DSCAML1: variants seen among roughly 807,000 people sequenced by gnomAD.
DSCAML1 encodes the protein DS cell adhesion molecule like 1.
Under a neutral mutation model 200.5 loss-of-function variants are expected in DSCAML1, and 38 were observed. That is an observed-to-expected ratio of 0.19 (90% confidence interval 0.15 to 0.25). DSCAML1 has a LOEUF of 0.25. Ranked by LOEUF, DSCAML1 falls within the 10% of genes least tolerant of loss-of-function variation. The pLI, the probability that DSCAML1 is intolerant of heterozygous loss-of-function variation, is 1.00. For missense variants in DSCAML1, 2,223 were observed against 2,858.8 expected, an observed-to-expected ratio of 0.78 and a Z score of 5.07; for synonymous variants, 1,215 against 1,165.0, an observed-to-expected ratio of 1.04 and a Z score of -0.87.
chr11:117,561,354 CTT>C (rs1338697575), intron 3 of DSCAML1, among the ~76,000 whole-genome samples: 3 of 152,354 alleles, frequency 2.0e-5, no homozygotes, highest in Admixed American at 6.5e-5. Context: ...GTTTTGGCCT[CTT>C]TGTCCAAAAT....
rs75649894 is a variant in DSCAML1 at position 117,458,702 on chromosome 11, G to A, written c.3568+52C>T. 7.5e-4 allele frequency: 1,190 copies of A among 1,595,996 alleles called. 4 individuals are homozygous for A. The African/African-American group carries it at 0.012, about 16-fold the overall frequency. On this transcript the variant is annotated intron_variant, in intron 19 of 32. Transcript: ENST00000651296. Reference sequence around the variant, plus strand: ...CCTGCCTCCTGGGGTGGGGCTGGGGGTTAGCAGTGGGTGGCAGGGCCAGCC... The same window carrying A: ...CCTGCCTCCTGGGGTGGGGCTGGGGATTAGCAGTGGGTGGCAGGGCCAGCC...
Position 117,788,547 on chromosome 11 carries a change from G to A in DSCAML1, c.47-7737C>T, listed in dbSNP as rs112336605. On this transcript the variant is annotated intron_variant, in intron 1 of 32. Coordinates refer to ENST00000651296, the MANE Select transcript of DSCAML1 (RefSeq NM_020693.4). The stretch of plus-strand genomic sequence containing the variant: ...TCGCCATGTTGGCCAAGCTGGTCTC[G>A]AACTCCTGACCTCAAGTGATCCGCC... Among the ~76,000 whole-genome samples, 29 of 152,200 alleles carry A rather than the reference G, an allele frequency of 1.9e-4. 1 individual carries two copies. The South Asian group carries it at 4.8e-3, about 25-fold the overall frequency.
At chr11:117,587,253 A>AACC (rs1555187498) in intron 3 of DSCAML1, among the ~76,000 whole-genome samples, 1 of 137,792 alleles carries the variant, frequency 7.3e-6, no homozygotes, top group Non-Finnish European at 1.5e-5. Context: ...ATTCTTTCCA[A>AACC]CCCCCCCCCA....
intron 3 of DSCAML1, among the ~76,000 whole-genome samples, chr11:117,598,517 G>A (rs999477616): frequency 2.0e-5 from 3 of 152,156 alleles, no homozygotes; most frequent in East Asian, 1.9e-4. Context: ...ATGCAGCCAC[G>A]GAAGCTGGGT....
intron 3 of DSCAML1, among the ~76,000 whole-genome samples, chr11:117,736,843 G>A (rs1331109535): frequency 1.3e-5 from 2 of 152,226 alleles, no homozygotes; most frequent in South Asian, 4.1e-4. Context: ...GTGAATTGTA[G>A]GTCCCTCCGT....
rs75612673 is a variant in DSCAML1 at position 117,463,086 on chromosome 11, C to T, written c.3266-1490G>A. On this transcript the variant is annotated intron_variant, in intron 17 of 32. Coordinates refer to ENST00000651296, the MANE Select transcript of DSCAML1 (RefSeq NM_020693.4). This position sits in a 1 kb window ranked among gnomAD's most constrained non-coding sequence, Gnocchi z 4.0. ...CGGCTCAGCACGACTGTTCCCTGGA[C>T]ACACCTTCCTAAAGCCTCCTGCATC... Among the ~76,000 whole-genome samples the T allele has an allele frequency of 2.4e-3, 369 of 152,340 alleles. 1 individual carries two copies. The highest frequency in any genetic ancestry group is 0.01 in the Middle Eastern group (3 of 294).
intron 31 of DSCAML1, 32 bp from the exon 32 acceptor site, chr11:117,431,065 G>A (rs755668843): frequency 7.6e-6 from 12 of 1,578,294 alleles, no homozygotes; most frequent in Admixed American, 1.7e-5. Context: ...GGTGGGTTAC[G>A]GGGAGGAGGG....
intron 3 of DSCAML1, among the ~76,000 whole-genome samples, chr11:117,762,575 T>C (rs1338376672): frequency 6.6e-6 from 1 of 152,072 alleles, no homozygotes; most frequent in Non-Finnish European, 1.5e-5. Flanking sequence ...ATTTTATATA[T>C]ATATGGGCCG....
At chr11:117,455,051 C>T (rs1014557401) in intron 19 of DSCAML1, among the ~76,000 whole-genome samples, 4 of 152,200 alleles carry the variant, frequency 2.6e-5, no homozygotes, top group Admixed American at 2.6e-4. Flanking sequence ...TCAGGCTCAC[C>T]TCCAGGGCCT....
chr11:117,721,330 C>T (rs1048430212), intron 3 of DSCAML1, among the ~76,000 whole-genome samples: 4 of 152,216 alleles, frequency 2.6e-5, no homozygotes, highest in African/African-American at 9.7e-5. Context: ...GTCTTCCTTT[C>T]GGAGATCCGT....
At chr11:117,655,563 T>C (rs961771920) in intron 3 of DSCAML1, among the ~76,000 whole-genome samples, 4 of 152,164 alleles carry the variant, frequency 2.6e-5, no homozygotes, top group African/African-American at 4.8e-5. Flanking sequence ...GCAATCCATA[T>C]TTCAGCCCCT....
chr11:117,626,162 T>C (rs1257134224), intron 3 of DSCAML1, among the ~76,000 whole-genome samples: 1 of 151,392 alleles, frequency 6.6e-6, no homozygotes, highest in East Asian at 2.0e-4. Context: ...TAAAAATGCC[T>C]AGTGGGCGGT....
chr11:117,743,592 G>T (rs10750110), intron 3 of DSCAML1, among the ~76,000 whole-genome samples: 143,878 of 152,236 alleles, frequency 0.95, 68,321 homozygotes, highest in East Asian at 1. Context: ...ACCACCCTCT[G>T]GGCTCCAGGC....
intron 3 of DSCAML1, among the ~76,000 whole-genome samples, chr11:117,735,737 C>G (rs558949291): frequency 6.6e-6 from 1 of 152,266 alleles, no homozygotes; most frequent in East Asian, 1.9e-4. Flanking sequence ...ATGCTGGGCC[C>G]GGAGCTGCGT....
At chr11:117,610,337 T>C (rs535341610) in intron 3 of DSCAML1, among the ~76,000 whole-genome samples, 1 of 152,178 alleles carries the variant, frequency 6.6e-6, no homozygotes, top group African/African-American at 2.4e-5. Flanking sequence ...CACTGCCCCA[T>C]TGCAACTCCA....
chr11:117,435,710 G>T lies in DSCAML1; in HGVS notation c.4810C>A (p.Leu1604Met), dbSNP rs2047901919. 6.2e-7 allele frequency: 1 copy of T among 1,612,242 alleles called. No homozygotes were observed. Among genetic ancestry groups the T allele is most frequent in the Non-Finnish European group, 8.5e-7 (1 of 1,178,850 alleles). The change falls in exon 27 of 33, where the codon CTG (leucine) becomes ATG (methionine). Residue 1604 changes from leucine to methionine, a missense_variant. Around this residue, in one of 7 missense-constraint regions of DSCAML1, gnomAD observed 614 missense variants for 739.1 expected, o/e 0.83. Transcript: ENST00000651296. ...ACGATGAAGAGCAGTGCCACCCCCA[G>T]TGTGGCCAGGATGACAGGGCAGCCG... ...TIGCPVILAT[L>M]GVALLFIVRK... is the part of the protein sequence containing the mutation.
chr11:117,758,230 G>A (rs1591478615), intron 3 of DSCAML1, among the ~76,000 whole-genome samples: 2 of 151,360 alleles, frequency 1.3e-5, no homozygotes, highest in East Asian at 4.0e-4. Flanking sequence ...AACGTGGGAG[G>A]CGGAGGCTGT....
chr11:117,505,458 C>T lies in DSCAML1; in HGVS notation c.2058G>A (p.Val686=). 1 of 1,609,826 alleles carries T rather than the reference C, an allele frequency of 6.2e-7. No homozygotes were observed. The highest frequency in any genetic ancestry group is 8.5e-7 in the Non-Finnish European group (1 of 1,179,802). Residue 686 remains valine (V), a synonymous_variant, in exon 9 of 33, where the codon GTG becomes GTA. Coordinates refer to ENST00000651296, the MANE Select transcript of DSCAML1 (RefSeq NM_020693.4). The surrounding 1 kb of genome is among the most constrained non-coding windows in gnomAD (Gnocchi z 6.7). ...GGCTGGCCTGTCCCTGCTCACCACG[C>T]ACGATGAGCTGGCGCTCCCGGCTCA... ...ATVSRERQLI[V]RVPPRFVVQP... is the part of the protein sequence containing the mutation.
rs766171469 is a variant in DSCAML1, at chr11:117,780,369, T to C, written c.364+124A>G. The stretch of plus-strand genomic sequence containing the variant: ...CACACAGCAAGTGGTACAACAAAGA[T>C]TCAAAAGAGAACAACAAAACTGTTC... On this transcript the variant is annotated intron_variant, in intron 2 of 32. Transcript: ENST00000651296. This position sits in a 1 kb window ranked among gnomAD's most constrained non-coding sequence, Gnocchi z 4.8. 3 of 795,268 alleles carry C rather than the reference T, an allele frequency of 3.8e-6. No individual in the cohort carries two copies. The highest frequency in any genetic ancestry group is 5.3e-6 in the Non-Finnish European group (3 of 561,514). The allele number at this position is 795,268 out of a possible 1,614,324, so 49.3% of individuals were successfully genotyped here. A position where few individuals can be genotyped will look rare whatever the true frequency, so the allele number is the denominator to read the frequency against.
Sources: allele counts gnomAD v4.1 joint callset (sites outside exome capture counted in the v4.1 genomes callset), GRCh38; gene constraint gnomAD v4.1.1; regional missense constraint gnomAD v4.1.1; non-coding constraint Gnocchi (gnomAD v3.1); transcripts MANE v1.5; gene names NCBI Gene and HGNC (gene_info 2026-07-23, HGNC 2026-07-21).